The following F13A1 variants were observed in gnomAD, a reference collection of about 807,000 sequenced individuals.
F13A1 encodes coagulation factor XIII A chain.
A neutral mutation model predicts 80.1 loss-of-function variants in F13A1; 47 were observed. That is an observed-to-expected ratio of 0.59 (90% CI 0.46 to 0.75). F13A1 has a LOEUF of 0.75. Ranked by LOEUF, F13A1 falls within the 30% of genes least tolerant of loss-of-function variation. F13A1 has a pLI of 0.00. For missense variants in F13A1, 817 were observed against 930.4 expected (o/e 0.88, Z 1.59); for synonymous variants, 349 against 344.9 (o/e 1.01, Z -0.13).
In F13A1 at chr6:6,302,817, G is replaced by C. The variant is rs188710787; in HGVS notation, c.319+2534C>G. Among the ~76,000 whole-genome samples, 13 of 152,268 alleles carry C rather than the reference G, an allele frequency of 8.5e-5. No individual in the cohort carries two copies. In the East Asian group the frequency reaches 2.1e-3, roughly 25 times the overall value. On this transcript the variant is annotated intron_variant, in intron 3 of 14. Coordinates refer to ENST00000264870, the MANE Select transcript of F13A1 (RefSeq NM_000129.4). ...GATCACCTATGCATGATCTGTCATT[G>C]ACTGAAATGTTGCTATGTGGCACAT...
intron 2 of F13A1, among the ~76,000 whole-genome samples, chr6:6,311,633 T>TATATTGTTTACATATAATATATAAAAAC (rs1422933851): frequency 9.5e-5 from 14 of 147,042 alleles, no homozygotes; most frequent in East Asian, 5.8e-4. Flanking sequence ...TATAAAAACA[T>TATATTGTTTACATATAATATATAAAAAC]ATATTGTTTA....
intron 8 of F13A1, among the ~76,000 whole-genome samples, chr6:6,214,337 C>A (rs1322652780): frequency 6.6e-6 from 1 of 151,560 alleles, no homozygotes; most frequent in Non-Finnish European, 1.5e-5. Flanking sequence ...ATGTCTCAGA[C>A]CACAGTGCAA....
At chr6:6,242,372 C>G (rs980190708) in intron 6 of F13A1, among the ~76,000 whole-genome samples, 1 of 152,052 alleles carries the variant, frequency 6.6e-6, no homozygotes, top group African/African-American at 2.4e-5. Context: ...ATAGTCAGAG[C>G]AAAGTATTAA....
At chr6:6,174,484 T>G (rs944094209) in intron 12 of F13A1, 96 bp downstream of exon 12, 3 of 1,398,310 alleles carry the variant, frequency 2.1e-6, no homozygotes, top group Non-Finnish European at 3.0e-6. Context: ...TGGAGGGAAC[T>G]TTAACTTTGA....
chr6:6,173,216 A>G (rs1264863855), intron 12 of F13A1, among the ~76,000 whole-genome samples: 1 of 152,112 alleles, frequency 6.6e-6, no homozygotes, highest in African/African-American at 2.4e-5. Context: ...TGAGATTGTA[A>G]TCCCCAAGGC....
intron 5 of F13A1, among the ~76,000 whole-genome samples, chr6:6,249,462 G>A (rs1033256602): frequency 2.0e-5 from 3 of 152,214 alleles, no homozygotes; most frequent in Admixed American, 1.3e-4. Flanking sequence ...CTGCATCACT[G>A]TAAACATGCT....
At chr6:6,219,439 A>G (rs2113054049) in intron 8 of F13A1, among the ~76,000 whole-genome samples, 1 of 152,280 alleles carries the variant, frequency 6.6e-6, no homozygotes, top group African/African-American at 2.4e-5. Context: ...TAAGCACTCT[A>G]CCTGGATGAC....
At chr6:6,160,229 A>G (rs1398725056) in intron 13 of F13A1, among the ~76,000 whole-genome samples, 1 of 148,722 alleles carries the variant, frequency 6.7e-6, no homozygotes, top group African/African-American at 2.5e-5. Context: ...GTGAGCCGAG[A>G]TCACACCACT....
At chr6:6,252,130 G>A (rs1249682765) in intron 4 of F13A1, among the ~76,000 whole-genome samples, 1 of 152,140 alleles carries the variant, frequency 6.6e-6, no homozygotes, top group Non-Finnish European at 1.5e-5. Context: ...TCAGAATATG[G>A]AAAGTTCTAC....
At chr6:6,221,127 G>T (rs1319318565) in intron 8 of F13A1, among the ~76,000 whole-genome samples, 1 of 152,190 alleles carries the variant, frequency 6.6e-6, no homozygotes, top group Non-Finnish European at 1.5e-5. Flanking sequence ...CTCAATGCCT[G>T]ACCACAGAGG....
At chr6:6,198,125 C>G (rs1372160792) in intron 8 of F13A1, among the ~76,000 whole-genome samples, 1 of 152,134 alleles carries the variant, frequency 6.6e-6, no homozygotes, top group Non-Finnish European at 1.5e-5. Flanking sequence ...AACAATTATG[C>G]CTGACTATAA....
At chr6:6,313,684 A>ATTT (rs78402240) in intron 2 of F13A1, among the ~76,000 whole-genome samples, 6 of 150,314 alleles carry the variant, frequency 4.0e-5, no homozygotes, top group African/African-American at 1.2e-4. Context: ...TGATTTATTT[A>ATTT]AAAAAAAACA....
intron 8 of F13A1, among the ~76,000 whole-genome samples, chr6:6,211,209 G>A (rs192897889): frequency 2.2e-4 from 33 of 152,110 alleles, no homozygotes; most frequent in African/African-American, 5.1e-4. Context: ...CTTAAATCAG[G>A]GCATTGCAAA....
At chr6:6,294,551 T>C (rs1488038700) in intron 3 of F13A1, among the ~76,000 whole-genome samples, 2 of 151,152 alleles carry the variant, frequency 1.3e-5, no homozygotes, top group African/African-American at 4.9e-5. Context: ...CATATATATA[T>C]ATACACACAC....
chr6:6,178,763 G>A (rs1027527389), intron 11 of F13A1, among the ~76,000 whole-genome samples: 1 of 152,090 alleles, frequency 6.6e-6, no homozygotes, highest in Non-Finnish European at 1.5e-5. Context: ...GGCAGGAGGG[G>A]GTGGAACCAG....
chr6:6,282,658 G>T (rs1450464973), intron 3 of F13A1, among the ~76,000 whole-genome samples: 1 of 152,184 alleles, frequency 6.6e-6, no homozygotes, highest in Non-Finnish European at 1.5e-5. Flanking sequence ...TGGGAGTGAT[G>T]ACAGAAAATA....
intron 13 of F13A1, among the ~76,000 whole-genome samples, chr6:6,156,721 C>T (rs1332482095): frequency 6.6e-6 from 1 of 152,138 alleles, no homozygotes; most frequent in Non-Finnish European, 1.5e-5. Flanking sequence ...GAAATGTTCT[C>T]AGTCTATATT....
chr6:6,261,651 G>C (rs13207268), intron 4 of F13A1, among the ~76,000 whole-genome samples: 1,914 of 84,226 alleles, frequency 0.023, 938 homozygotes, highest in African/African-American at 0.11. Context: ...TCCAAGCGTG[G>C]TGACCCTCCA....
chr6:6,257,060 G>T (rs149557897), intron 4 of F13A1, among the ~76,000 whole-genome samples: 4 of 152,172 alleles, frequency 2.6e-5, no homozygotes, highest in African/African-American at 9.7e-5. Flanking sequence ...AATTTAGAGC[G>T]AGGGGATTAG....
Sources: allele counts gnomAD v4.1 joint callset (sites outside exome capture counted in the v4.1 genomes callset), GRCh38; gene constraint gnomAD v4.1.1; transcripts MANE v1.5; gene names NCBI Gene and HGNC (gene_info 2026-07-23, HGNC 2026-07-21).